The following OR6J1 variants were observed in gnomAD, a reference collection of about 807,000 sequenced individuals.
OR6J1 encodes olfactory receptor 6J1.
For synonymous variants in OR6J1, 109 were observed against 70.0 expected, an observed-to-expected ratio of 1.56 and a Z score of -2.78; for missense variants, 304 against 166.8, an observed-to-expected ratio of 1.82 and a Z score of -4.53.
intron 1 of OR6J1, among the ~76,000 whole-genome samples, chr14:22,636,986 C>A (rs1298891948): frequency 7.9e-6 from 1 of 126,868 alleles, no homozygotes; most frequent in Non-Finnish European, 1.6e-5. Context: ...TCTTCCCGGC[C>A]GCCTTCCCAT....
Position 22,631,358 on chromosome 14 carries a change from G to A in OR6J1, c.*2410C>T, listed in dbSNP as rs534944592. On this transcript the variant is annotated 3_prime_UTR_variant, in exon 2 of 2. Coordinates refer to ENST00000540461, the MANE Select transcript of OR6J1 (RefSeq NM_001348233.2). Reference sequence around the variant, plus strand: ...AAAGACGGGCACGCCCAGGGGGGCCGTCTATAGGACTACACTCCCAGGCGC... The same window carrying A: ...AAAGACGGGCACGCCCAGGGGGGCCATCTATAGGACTACACTCCCAGGCGC... 13 of 152,310 alleles carry A rather than the reference G, an allele frequency of 8.5e-5. No individual in the cohort carries two copies. Among genetic ancestry groups the A allele is most frequent in the East Asian group, 1.9e-4 (1 of 5,190 alleles). 9.4% of individuals were successfully genotyped at this position (152,310 alleles called of 1,614,324 possible).
intron 1 of OR6J1, among the ~76,000 whole-genome samples, chr14:22,643,750 CACACACACACACACAGAGAGAG>C (rs1247951765): frequency 9.3e-6 from 1 of 107,526 alleles, no homozygotes; most frequent in African/African-American, 3.7e-5. Flanking sequence ...CACACACACA[CACACACACACACACAGAGAGAG>C]AGAGAGAGAG....
rs2037543393 is a variant in OR6J1 at position 22,631,230 on chromosome 14, A to AG, written c.*2537dup. ...AGGAGACAGGGTTTTGAGAGCAACC[A>AG]GTCTGACCAAAATTTATTAGGTGGA... On this transcript the variant is annotated 3_prime_UTR_variant, in exon 2 of 2. Transcript: ENST00000540461. 6.6e-6 allele frequency: 1 copy of AG among 151,038 alleles called. No individual in the cohort carries two copies. Among genetic ancestry groups the AG allele is most frequent in the Non-Finnish European group, 1.5e-5 (1 of 67,642 alleles). The allele number at this position is 151,038 out of a possible 1,614,324, so 9.4% of individuals were successfully genotyped here.
intron 1 of OR6J1, among the ~76,000 whole-genome samples, chr14:22,640,197 G>GAA (rs1333191611): frequency 9.7e-6 from 1 of 102,676 alleles, no homozygotes; most frequent in East Asian, 3.7e-4. Context: ...GGGAGGGAGG[G>GAA]AAAAGAGAGA....
chr14:22,633,748 C>T lies in OR6J1; in HGVS notation c.*20G>A. 1.5e-6 allele frequency: 1 copy of T among 648,502 alleles called. No homozygotes were observed. The highest frequency in any genetic ancestry group is 2.8e-6 in the Non-Finnish European group (1 of 361,996). The allele number at this position is 648,502 out of a possible 1,614,324, so 40.2% of individuals were successfully genotyped here. A position where few individuals can be genotyped will look rare whatever the true frequency, so the allele number is the denominator to read the frequency against. On this transcript the variant is annotated 3_prime_UTR_variant, in exon 2 of 2. Coordinates refer to ENST00000540461, the MANE Select transcript of OR6J1 (RefSeq NM_001348233.2). The stretch of plus-strand genomic sequence containing the variant: ...ATTCCTTAGCTAGCTCACTCTTTCA[C>T]TAAGGCAGCTCCTCTCTTTCTAACA...
rs1007946118 is a variant in OR6J1 at position 22,633,794 on chromosome 14, C to T, written c.1018G>A (p.Val340Ile). ...QGRACSSPPC[V>I]YSVKLQC ...TAACACTGGAGCTTTACAGAATAGA[C>T]ACATGGTGGAGAAGAGCAAGCCCTT... Residue 340 changes from valine to isoleucine, a missense_variant, in exon 2 of 2, where the codon GTC becomes ATC. Transcript: ENST00000540461. The T allele has an allele frequency of 2.2e-5, 15 of 695,262 alleles. No homozygotes were observed. Among genetic ancestry groups the T allele is most frequent in the Admixed American group, 2.0e-4 (10 of 49,440 alleles). 43.1% of individuals were successfully genotyped at this position (695,262 alleles called of 1,614,324 possible). A position where few individuals can be genotyped will look rare whatever the true frequency, so the allele number is the denominator to read the frequency against.
chr14:22,641,137 C>T (rs2037641614), intron 1 of OR6J1, among the ~76,000 whole-genome samples: 1 of 149,214 alleles, frequency 6.7e-6, no homozygotes, highest in Non-Finnish European at 1.5e-5. Flanking sequence ...GCACTCCAGC[C>T]TAGGTGACAG....
At position 22,631,294 on chromosome 14, in the gene OR6J1, G is replaced by C. The variant is rs2037543889; in HGVS notation, c.*2474C>G. ...TAATAAGCCTGGGAGCGCTATGGGAGACTGGGGTCTATTTGACCCCTACAG... is the reference window on the plus strand; with the variant it reads ...TAATAAGCCTGGGAGCGCTATGGGACACTGGGGTCTATTTGACCCCTACAG... On this transcript the variant is annotated 3_prime_UTR_variant, in exon 2 of 2. Coordinates refer to ENST00000540461, the MANE Select transcript of OR6J1 (RefSeq NM_001348233.2). 1 of 152,196 alleles carries C rather than the reference G, an allele frequency of 6.6e-6. No individual in the cohort carries two copies. The highest frequency in any genetic ancestry group is 6.5e-5 in the Admixed American group (1 of 15,284). The allele number at this position is 152,196 out of a possible 1,614,324, so 9.4% of individuals were successfully genotyped here.
chr14:22,632,005 G>C lies in OR6J1; in HGVS notation c.*1763C>G, dbSNP rs528735769. ...AGTGGCATCTGTGCTCATTTAAGTA[G>C]TCTTCATTTATGTCCACAGAACTCT... On this transcript the variant is annotated 3_prime_UTR_variant, in exon 2 of 2. Transcript: ENST00000540461. The C allele has an allele frequency of 6.6e-6, 1 of 152,274 alleles. No homozygotes were observed. The highest frequency in any genetic ancestry group is 1.5e-5 in the Non-Finnish European group (1 of 68,106). 9.4% of individuals were successfully genotyped at this position (152,274 alleles called of 1,614,324 possible). A position where few individuals can be genotyped will look rare whatever the true frequency, so the allele number is the denominator to read the frequency against.
intron 1 of OR6J1, among the ~76,000 whole-genome samples, chr14:22,643,819 A>G (rs538220811): frequency 5.3e-5 from 8 of 150,464 alleles, no homozygotes; most frequent in African/African-American, 1.9e-4. Context: ...CTAAATGTAG[A>G]TATATGCACA....
intron 1 of OR6J1, among the ~76,000 whole-genome samples, chr14:22,636,220 CTA>C: frequency 9.5e-6 from 1 of 105,712 alleles, no homozygotes; most frequent in South Asian, 2.8e-4. Context: ...AATTAAGACA[CTA>C]GCGCCCTCTC....
intron 1 of OR6J1, among the ~76,000 whole-genome samples, chr14:22,636,227 CCTCT>C (rs2037582788): frequency 0.12 from 2 of 16 alleles, no homozygotes; most frequent in East Asian, 0.25. Flanking sequence ...ACACTAGCGC[CCTCT>C]CCCTCTCCCT....
At chr14:22,642,212 A>G (rs949215118) in intron 1 of OR6J1, among the ~76,000 whole-genome samples, 16 of 151,664 alleles carry the variant, frequency 1.1e-4, no homozygotes, top group African/African-American at 3.9e-4. Flanking sequence ...TTATTGATAT[A>G]TAACTCAAGT....
chr14:22,641,230 A>AAAGG (rs2037644611), intron 1 of OR6J1, among the ~76,000 whole-genome samples: 1 of 30,914 alleles, frequency 3.2e-5, no homozygotes, highest in Non-Finnish European at 7.3e-5. Context: ...AGAAAGAAAG[A>AAAGG]AAGAAAGAAA....
In OR6J1 at chr14:22,637,605, T is replaced by C. The variant is rs867670487; in HGVS notation, c.-27-2767A>G. ...GAGGTGGGGGGGTCAGCCCCCCGCC[T>C]GGCCAGCCGCCCCATCCGGGAGGGA... On this transcript the variant is annotated intron_variant, in intron 1 of 1. Coordinates refer to ENST00000540461, the MANE Select transcript of OR6J1 (RefSeq NM_001348233.2). 9.8e-4 allele frequency among the ~76,000 whole-genome samples: 38 copies of C among 38,692 alleles called. No individual in the cohort carries two copies. In the South Asian group the frequency reaches 0.011, roughly 11 times the overall value. 25.4% of individuals were successfully genotyped at this position (38,692 alleles called of 152,430 possible).
intron 1 of OR6J1, 27 bp from the exon 2 acceptor site, chr14:22,634,865 T>G (rs773409297): frequency 4.9e-6 from 3 of 614,568 alleles, no homozygotes; most frequent in Non-Finnish European, 8.7e-6. Context: ...AGATAACACT[T>G]AAGAGAGTGT....
chr14:22,635,319 T>C (rs964154504), intron 1 of OR6J1, among the ~76,000 whole-genome samples: 2 of 152,226 alleles, frequency 1.3e-5, no homozygotes, highest in Non-Finnish European at 2.9e-5. Context: ...TATGTAGCCA[T>C]TAAAAATTAT....
rs2037572519 is a variant in OR6J1, at chr14:22,634,759, A to C, written c.53T>G (p.Leu18Arg). The change falls in exon 2 of 2, where the codon CTG becomes CGG. Residue 18 changes from leucine to arginine, a missense_variant. By Grantham distance (102) the Leu-to-Arg change is moderately radical (BLOSUM62 -2). Transcript: ENST00000540461. ...VTEFVLLGFS[L>R]SREVELLLLV... Reference sequence around the variant, plus strand: ...GAGCAGCAGCTCCACCTCCCTGCTCAGGGAAAACCCCAGCAGAACAAACTC... The same window carrying C: ...GAGCAGCAGCTCCACCTCCCTGCTCCGGGAAAACCCCAGCAGAACAAACTC... The C allele has an allele frequency of 1.4e-6, 1 of 703,982 alleles. No homozygotes were observed. The highest frequency in any genetic ancestry group is 1.7e-5 in the African/African-American group (1 of 57,272). 43.6% of individuals were successfully genotyped at this position (703,982 alleles called of 1,614,324 possible).
Position 22,634,778 on chromosome 14 carries a change from CA to C in OR6J1, c.33del (p.Phe11LeufsTer8). 2.9e-6 allele frequency: 2 copies of C among 699,888 alleles called. No individual in the cohort carries two copies. The highest frequency in any genetic ancestry group is 5.2e-6 in the Non-Finnish European group (2 of 383,264). 43.4% of individuals were successfully genotyped at this position (699,888 alleles called of 1,614,324 possible). On this transcript the variant is annotated frameshift_variant, in exon 2 of 2. Transcript: ENST00000540461. LOFTEE classifies it low-confidence loss of function (END_TRUNC). ...CTGCTCAGGGAAAACCCCAGCAGAACAAACTCAGTCACCGCTGCAGTCCAGT... is the reference window on the plus strand; with the variant it reads ...CTGCTCAGGGAAAACCCCAGCAGAACAACTCAGTCACCGCTGCAGTCCAGT... Reference protein sequence around the residue: MGNWTAAVTEFVLLGFSLSRE... With the variant: MGNWTAAVTEXVLLGFSLSRE...
Sources: allele counts gnomAD v4.1 joint callset (sites outside exome capture counted in the v4.1 genomes callset), GRCh38; gene constraint gnomAD v4.1.1; transcripts MANE v1.5; gene names NCBI Gene and HGNC (gene_info 2026-07-23, HGNC 2026-07-21).